Variants in SNX14 observed in about 807,000 individuals in gnomAD.
SNX14 encodes sorting nexin-14.
A neutral mutation model predicts 133.8 loss-of-function variants in SNX14; 93 were observed. That is an observed-to-expected ratio of 0.70 (90% CI 0.59 to 0.83). The LOEUF is 0.83. SNX14 is among the 40% of genes least tolerant of loss of function. The probability of loss-of-function intolerance (pLI) is 0.00; values close to 1 mark genes in which losing one functional copy is unlikely to be tolerated. For missense variants in SNX14, 945 were observed against 1,094.9 expected, an observed-to-expected ratio of 0.86 and a Z score of 1.93; for synonymous variants, 368 against 365.6, an observed-to-expected ratio of 1.01 and a Z score of -0.07.
At chr6:85,560,538 T>C (rs773151539) in intron 6 of SNX14, among the ~76,000 whole-genome samples, 1 of 152,196 alleles carries the variant, frequency 6.6e-6, no homozygotes, top group Non-Finnish European at 1.5e-5. Flanking sequence ...TTCTGGGTGA[T>C]GAAAATGTTC....
Sources: gnomAD v4.1 joint callset for allele counts (sites outside exome capture counted in the v4.1 genomes callset) on GRCh38, gnomAD v4.1.1 for gene constraint, MANE v1.5 for transcripts, NCBI Gene and HGNC (gene_info 2026-07-23, HGNC 2026-07-21) for gene names.